Variants in PNOC observed in about 807,000 individuals in gnomAD.
PNOC encodes the protein nociceptin.
PNOC carries 10 observed loss-of-function variants against 15.6 expected under a neutral mutation model. The ratio of observed to expected loss-of-function variants is 0.64; its 90% CI spans 0.40 to 1.09. The LOEUF (loss-of-function observed/expected upper bound fraction) is 1.09. Among genes scored for constraint, PNOC ranks in the 50% least tolerant of loss-of-function variants. PNOC has a pLI of 0.01. For synonymous variants in PNOC, 98 were observed against 88.5 expected, an observed-to-expected ratio of 1.11 and a Z score of -0.60; for missense variants, 220 against 223.9, an observed-to-expected ratio of 0.98 and a Z score of 0.11.
At chr8:28,331,036 G>T (rs1801322572) in intron 2 of PNOC, among the ~76,000 whole-genome samples, 1 of 152,098 alleles carries the variant, frequency 6.6e-6, no homozygotes, top group South Asian at 2.1e-4. Flanking sequence ...TTTGCAGGGG[G>T]ACTAACACAC....
At chr8:28,338,906 C>A (rs1801460403) in intron 2 of PNOC, 134 bp from the exon 3 acceptor site, 3 of 1,063,928 alleles carry the variant, frequency 2.8e-6, no homozygotes, top group Non-Finnish European at 4.0e-6. Context: ...CTGTGTAAAA[C>A]TGCTCCACGT....
chr8:28,322,442 A>G (rs909267098), intron 1 of PNOC, among the ~76,000 whole-genome samples: 13 of 152,196 alleles, frequency 8.5e-5, no homozygotes, highest in African/African-American at 3.1e-4. Context: ...TCAGACAGGG[A>G]GTACAGACTT....
At chr8:28,340,900 C>G (rs1281566028) in intron 3 of PNOC, among the ~76,000 whole-genome samples, 3 of 152,184 alleles carry the variant, frequency 2.0e-5, no homozygotes, top group Non-Finnish European at 4.4e-5. Context: ...GACCCAAACA[C>G]CACCCACTAG....
chr8:28,330,400 T>TTTTTTTTTATTTTTTTTTA (rs1801309310), intron 2 of PNOC, among the ~76,000 whole-genome samples: 13 of 102,246 alleles, frequency 1.3e-4, no homozygotes, highest in Admixed American at 4.1e-4. Flanking sequence ...TATTTTATTT[T>TTTTTTTTTATTTTTTTTTA]TTTTTTTTTT....
chr8:28,333,780 G>A (rs186706203), intron 2 of PNOC, among the ~76,000 whole-genome samples: 9 of 152,172 alleles, frequency 5.9e-5, no homozygotes, highest in Non-Finnish European at 7.4e-5. Context: ...ATAAACTGAC[G>A]GAGCAGAAAA....
intron 3 of PNOC, among the ~76,000 whole-genome samples, chr8:28,340,927 A>C (rs529891691): frequency 1.3e-5 from 2 of 152,352 alleles, no homozygotes; most frequent in African/African-American, 4.8e-5. Context: ...CTCCAACATT[A>C]GGGATCACAT....
chr8:28,339,782 A>C (rs1801484466), intron 3 of PNOC: 1 of 201,484 alleles, frequency 5.0e-6, no homozygotes, highest in African/African-American at 2.3e-5. Flanking sequence ...CTATGGGGAC[A>C]GTTAAGTGGA....
At chr8:28,327,565 C>CTTTTTTTTTTTTTT (rs1369152376) in intron 1 of PNOC, among the ~76,000 whole-genome samples, 2 of 145,568 alleles carry the variant, frequency 1.4e-5, no homozygotes, top group African/African-American at 2.5e-5. Context: ...ACATAAAATT[C>CTTTTTTTTTTTTTT]TTTTCTTTTT....
chr8:28,326,060 T>C (rs1286569506), intron 1 of PNOC, among the ~76,000 whole-genome samples: 1 of 152,102 alleles, frequency 6.6e-6, no homozygotes, highest in Non-Finnish European at 1.5e-5. Flanking sequence ...GTCTCAAATG[T>C]GAGTTCATTG....
intron 1 of PNOC, 137 bp from the exon 2 acceptor site, chr8:28,328,998 G>C (rs1801275599): frequency 6.2e-6 from 5 of 811,110 alleles, no homozygotes; most frequent in Non-Finnish European, 9.9e-6. Context: ...CCTGCAAAGT[G>C]AATCACAGGC....
chr8:28,337,654 T>C (rs1358992329), intron 2 of PNOC, among the ~76,000 whole-genome samples: 2 of 144,052 alleles, frequency 1.4e-5, no homozygotes, highest in Non-Finnish European at 3.0e-5. Flanking sequence ...ACGATCTCGG[T>C]TCACTGCAAG....
chr8:28,339,542 CTG>C, intron 3 of PNOC, 51 bp downstream of exon 3: 3 of 1,362,764 alleles, frequency 2.2e-6, no homozygotes, highest in Non-Finnish European at 2.9e-6. Flanking sequence ...CACACACCAA[CTG>C]TCTTAGCCTT....
chr8:28,338,729 C>T (rs1801456649), intron 2 of PNOC: 4 of 1,074,474 alleles, frequency 3.7e-6, no homozygotes, highest in Non-Finnish European at 4.5e-6. Flanking sequence ...TAACAAGGTG[C>T]GGTGTTGGGC....
At chr8:28,327,379 T>A (rs1177345035) in intron 1 of PNOC, among the ~76,000 whole-genome samples, 5 of 152,234 alleles carry the variant, frequency 3.3e-5, no homozygotes, top group African/African-American at 1.2e-4. Context: ...TCCTTGGAGC[T>A]ACTATCTTGG....
intron 2 of PNOC, among the ~76,000 whole-genome samples, chr8:28,338,144 G>A (rs548463438): frequency 1.3e-5 from 2 of 152,232 alleles, no homozygotes; most frequent in African/African-American, 4.8e-5. Flanking sequence ...GCTAAGGCCA[G>A]AAACCTGGAC....
chr8:28,322,701 C>T (rs184449549), intron 1 of PNOC, among the ~76,000 whole-genome samples: 99 of 152,282 alleles, frequency 6.5e-4, no homozygotes, highest in African/African-American at 1.9e-3. Flanking sequence ...TAGATTCCAC[C>T]GCAATGAGAT....
At chr8:28,327,318 C>A (rs911447902) in intron 1 of PNOC, among the ~76,000 whole-genome samples, 4 of 152,232 alleles carry the variant, frequency 2.6e-5, no homozygotes, top group African/African-American at 4.8e-5. Context: ...AAACTGCACA[C>A]CTTTCAGGCA....
At chr8:28,329,897 A>G (rs944155362) in intron 2 of PNOC, among the ~76,000 whole-genome samples, 1 of 152,196 alleles carries the variant, frequency 6.6e-6, no homozygotes, top group Non-Finnish European at 1.5e-5. Flanking sequence ...GAGATGATTT[A>G]AAGTGTACAG....
intron 1 of PNOC, 149 bp from the exon 2 acceptor site, chr8:28,328,985 AC>A (rs1801275328): frequency 2.8e-6 from 2 of 711,746 alleles, no homozygotes; most frequent in African/African-American, 3.5e-5. Flanking sequence ...GACAATTTAC[AC>A]CCCTGCAAAG....
Sources: gnomAD v4.1 joint callset for allele counts (sites outside exome capture counted in the v4.1 genomes callset) on GRCh38, gnomAD v4.1.1 for gene constraint, MANE v1.5 for transcripts, NCBI Gene and HGNC (gene_info 2026-07-23, HGNC 2026-07-21) for gene names.